The following NTNG2 variants were observed in gnomAD, a reference collection of about 807,000 sequenced individuals.
The protein encoded by NTNG2 is netrin G2.
A neutral mutation model predicts 47.6 loss-of-function variants in NTNG2; 15 were observed. The observed-to-expected ratio is 0.32, with a 90% CI of 0.21 to 0.49. The LOEUF (loss-of-function observed/expected upper bound fraction) is 0.49. NTNG2 is among the 20% of genes least tolerant of loss of function. The pLI, the probability that NTNG2 is intolerant of heterozygous loss-of-function variation, is 0.99. For missense variants in NTNG2, 578 were observed against 764.6 expected, an observed-to-expected ratio of 0.76 and a Z score of 2.88; for synonymous variants, 307 against 324.6, an observed-to-expected ratio of 0.95 and a Z score of 0.58.
chr9:132,217,164 C>CTT (rs1254256935), intron 3 of NTNG2, among the ~76,000 whole-genome samples: 3 of 152,246 alleles, frequency 2.0e-5, no homozygotes, highest in African/African-American at 7.2e-5. Flanking sequence ...AGGACAGTGC[C>CTT]TTCTGCGTTT....
chr9:132,219,214 T>C (rs1165018631), intron 3 of NTNG2, among the ~76,000 whole-genome samples: 5 of 144,530 alleles, frequency 3.5e-5, no homozygotes, highest in African/African-American at 1.3e-4. Context: ...AGACTCTGTC[T>C]CAAAACAAAA....
intron 3 of NTNG2, among the ~76,000 whole-genome samples, chr9:132,207,590 C>T (rs1465571655): frequency 6.6e-6 from 1 of 152,220 alleles, no homozygotes; most frequent in Admixed American, 6.5e-5. Flanking sequence ...CCACAAAACC[C>T]CGTTTCCATG....
intron 3 of NTNG2, among the ~76,000 whole-genome samples, chr9:132,205,309 A>G (rs1177295275): frequency 1.3e-5 from 2 of 152,208 alleles, no homozygotes; most frequent in East Asian, 3.8e-4. Context: ...ACACGCTGCG[A>G]CACAGATGAA....
intron 3 of NTNG2, among the ~76,000 whole-genome samples, chr9:132,219,840 T>G (rs1009512326): frequency 1.3e-5 from 2 of 152,248 alleles, no homozygotes; most frequent in Non-Finnish European, 1.5e-5. Context: ...TGTGTGGACA[T>G]GTTTTCGTTT....
At position 132,167,024 on chromosome 9, in the gene NTNG2, C is replaced by G. The variant is rs1472146354; in HGVS notation, c.193C>G (p.Pro65Ala). 6.2e-7 allele frequency: 1 copy of G among 1,614,194 alleles called. No homozygotes were observed. The highest frequency in any genetic ancestry group is 8.5e-7 in the Non-Finnish European group (1 of 1,180,034). The stretch of plus-strand genomic sequence containing the variant: ...CTCAGGCATCACATGTGGAGACCCC[C>G]CTGAGAGGTTCTGCTCCCATGTAAG... ...EPSGITCGDP[P>A]ERFCSHENPY... Residue 65 changes from proline (P) to alanine (A), a missense_variant, in exon 2 of 8, where the codon CCT becomes GCT. Transcript: ENST00000393229.
chr9:132,219,344 G>A (rs766154615), intron 3 of NTNG2, among the ~76,000 whole-genome samples: 11 of 152,158 alleles, frequency 7.2e-5, no homozygotes, highest in Non-Finnish European at 1.2e-4. Flanking sequence ...AGGCCCAACT[G>A]GGAGGATCAC....
intron 5 of NTNG2, among the ~76,000 whole-genome samples, chr9:132,234,629 C>T (rs1002887204): frequency 2.0e-5 from 3 of 152,260 alleles, no homozygotes; most frequent in African/African-American, 7.2e-5. Flanking sequence ...GTCAAGCTGT[C>T]TGGAGGACAG....
chr9:132,190,943 A>G (rs1837835260), intron 2 of NTNG2, among the ~76,000 whole-genome samples: 1 of 152,128 alleles, frequency 6.6e-6, no homozygotes, highest in Admixed American at 6.5e-5. Flanking sequence ...ATGTGTGTCC[A>G]GAGAGATAGG....
intron 3 of NTNG2, among the ~76,000 whole-genome samples, chr9:132,201,549 C>T (rs573582159): frequency 6.6e-6 from 1 of 152,152 alleles, no homozygotes. Context: ...ATGTGGGACC[C>T]GAAGTTCCTG....
rs113807683 is a variant in NTNG2 at position 132,182,558 on chromosome 9, C to T, written c.214-15408C>T. Among the ~76,000 whole-genome samples the T allele has an allele frequency of 0.025, 3,831 of 152,318 alleles. 169 individuals are homozygous for T. The highest frequency in any genetic ancestry group is 0.086 in the African/African-American group (3,592 of 41,562). Reference sequence around the variant, plus strand: ...CAGGGGGTCCTGGAGGCAGCAGCCACGACCTTGGGTGGACGCTGCGCCTCA... The same window carrying T: ...CAGGGGGTCCTGGAGGCAGCAGCCATGACCTTGGGTGGACGCTGCGCCTCA... On this transcript the variant is annotated intron_variant, in intron 2 of 7. Transcript: ENST00000393229. This position sits in a 1 kb window ranked among gnomAD's most constrained non-coding sequence, Gnocchi z 4.2.
At chr9:132,189,533 G>C (rs1355882077) in intron 2 of NTNG2, among the ~76,000 whole-genome samples, 3 of 152,158 alleles carry the variant, frequency 2.0e-5, no homozygotes, top group Non-Finnish European at 2.9e-5. Flanking sequence ...CGGGCATTGG[G>C]AGGGCACCTC....
At position 132,163,440 on chromosome 9, in the gene NTNG2, G is replaced by A. The variant is rs1446230682; in HGVS notation, c.-484+1201G>A. 6.6e-6 allele frequency among the ~76,000 whole-genome samples: 1 copy of A among 151,682 alleles called. No homozygotes were observed. The highest frequency in any genetic ancestry group is 1.5e-5 in the Non-Finnish European group (1 of 67,790). On this transcript the variant is annotated intron_variant, in intron 1 of 7. Transcript: ENST00000393229. This position sits in a 1 kb window ranked among gnomAD's most constrained non-coding sequence, Gnocchi z 7.2. ...GACACCCGGGCCGCCGGAATTAAGA[G>A]GCCCGCCGAGGCTACAGTGAGCGCG...
At position 132,242,044 on chromosome 9, in the gene NTNG2, C is replaced by T. The variant is rs1205292205; in HGVS notation, c.1526C>T (p.Ala509Val). 17 of 1,274,820 alleles carry T rather than the reference C, an allele frequency of 1.3e-5. No individual in the cohort carries two copies. The highest frequency in any genetic ancestry group is 1.6e-5 in the Non-Finnish European group (16 of 1,014,518). 79.0% of individuals were successfully genotyped at this position (1,274,820 alleles called of 1,614,324 possible). ...GLDCDRAPGA[A>V]PRPATLLGCL... ...GACTGCGACCGCGCGCCCGGGGCCG[C>T]CCCGCGCCCCGCCACCCTGCTCGGC... The change falls in exon 8 of 8, where the codon GCC becomes GTC. Residue 509 changes from alanine (A) to valine (V), a missense_variant. Ala to Val is a moderately conservative substitution (Grantham distance 64, BLOSUM62 0). Coordinates refer to ENST00000393229, the MANE Select transcript of NTNG2 (RefSeq NM_032536.4). The surrounding 1 kb of genome is among the most constrained non-coding windows in gnomAD (Gnocchi z 5.9).
chr9:132,229,858 T>A (rs182424083), intron 4 of NTNG2, among the ~76,000 whole-genome samples: 2 of 152,228 alleles, frequency 1.3e-5, no homozygotes, highest in Non-Finnish European at 1.5e-5. Context: ...GCAACTCTGA[T>A]GAATCTCACC....
In NTNG2 at chr9:132,239,284, G is replaced by T. The variant is rs377012651; in HGVS notation, c.1222+13G>T. 14 of 1,613,064 alleles carry T rather than the reference G, an allele frequency of 8.7e-6. No homozygotes were observed. The highest frequency in any genetic ancestry group is 1.1e-5 in the Non-Finnish European group (13 of 1,179,966). On this transcript the variant is annotated intron_variant, in intron 6 of 7. Coordinates refer to ENST00000393229, the MANE Select transcript of NTNG2 (RefSeq NM_032536.4). ...AACGTCTGCATTGGTGAGAGGGCACGGACACGGCACAGGGAACTTGCTGGA... is the reference window on the plus strand; with the variant it reads ...AACGTCTGCATTGGTGAGAGGGCACTGACACGGCACAGGGAACTTGCTGGA...
At chr9:132,213,219 G>A (rs1839726880) in intron 3 of NTNG2, among the ~76,000 whole-genome samples, 1 of 151,960 alleles carries the variant, frequency 6.6e-6, no homozygotes, top group Non-Finnish European at 1.5e-5. Context: ...AAACTCAAGA[G>A]GTTGAGGCAG....
At chr9:132,186,651 G>C (rs562072125) in intron 2 of NTNG2, among the ~76,000 whole-genome samples, 1 of 152,332 alleles carries the variant, frequency 6.6e-6, no homozygotes, top group South Asian at 2.1e-4. Flanking sequence ...CAGGTCCTCC[G>C]AAAGGATCTC....
chr9:132,186,416 C>T (rs1207353306), intron 2 of NTNG2, among the ~76,000 whole-genome samples: 1 of 152,216 alleles, frequency 6.6e-6, no homozygotes, highest in Non-Finnish European at 1.5e-5. Flanking sequence ...TTTTTAAGTT[C>T]CTGGAGAGAT....
At chr9:132,190,926 C>T (rs1257216295) in intron 2 of NTNG2, among the ~76,000 whole-genome samples, 2 of 152,168 alleles carry the variant, frequency 1.3e-5, no homozygotes, top group Non-Finnish European at 2.9e-5. Context: ...TTTCAGGTGA[C>T]TTGCCTATGT....
Sources: gnomAD v4.1 joint callset for allele counts (sites outside exome capture counted in the v4.1 genomes callset) on GRCh38, gnomAD v4.1.1 for gene constraint, Gnocchi (gnomAD v3.1) non-coding constraint, MANE v1.5 for transcripts, NCBI Gene and HGNC (gene_info 2026-07-23, HGNC 2026-07-21) for gene names.